CTIF: variants seen among roughly 807,000 people sequenced by gnomAD.
CTIF encodes cap binding complex dependent translation initiation factor, also known as CBP80/20-dependent translation initiation factor.
A neutral mutation model predicts 66.0 loss-of-function variants in CTIF; 21 were observed. The ratio of observed to expected loss-of-function variants is 0.32; its 90% CI spans 0.23 to 0.46. The LOEUF (loss-of-function observed/expected upper bound fraction) is 0.46. Ranked by LOEUF, CTIF falls within the 20% of genes least tolerant of loss-of-function variation. CTIF has a pLI of 1.00. For missense variants in CTIF, 739 were observed against 812.7 expected (o/e 0.91, Z 1.10); for synonymous variants, 345 against 326.4 (o/e 1.06, Z -0.62).
chr18:48,804,654 G>A (rs867883087), intron 9 of CTIF, among the ~76,000 whole-genome samples: 3 of 152,200 alleles, frequency 2.0e-5, no homozygotes, highest in Admixed American at 6.5e-5. Context: ...ACTCATTTAA[G>A]CCAAGGAGGT....
intron 7 of CTIF, among the ~76,000 whole-genome samples, chr18:48,747,133 G>A (rs1467798939): frequency 1.3e-5 from 2 of 152,196 alleles, no homozygotes; most frequent in Non-Finnish European, 2.9e-5. Flanking sequence ...TGCAAAGGAA[G>A]ACTCCAAAGC....
rs557923249 is a variant in CTIF at position 48,604,458 on chromosome 18, G to A, written c.-28-15080G>A. 1.1e-4 allele frequency among the ~76,000 whole-genome samples: 16 copies of A among 152,182 alleles called. No individual in the cohort carries two copies. The East Asian group carries it at 1.9e-3, about 18-fold the overall frequency. On this transcript the variant is annotated intron_variant, in intron 1 of 11. Coordinates refer to ENST00000256413, the MANE Select transcript of CTIF (RefSeq NM_014772.3). Reference sequence around the variant, plus strand: ...CTCCCAAAGTGCTGGGATTACAGGCGTGAGCCCCTGCGCCCGGCGTTTTAA... The same window carrying A: ...CTCCCAAAGTGCTGGGATTACAGGCATGAGCCCCTGCGCCCGGCGTTTTAA...
At chr18:48,739,451 G>A (rs1051730112) in intron 7 of CTIF, among the ~76,000 whole-genome samples, 1 of 152,206 alleles carries the variant, frequency 6.6e-6, no homozygotes, top group Admixed American at 6.5e-5. Context: ...CACCTGGTGG[G>A]GTGTGGTGGG....
intron 11 of CTIF, among the ~76,000 whole-genome samples, chr18:48,858,150 T>C (rs1291172450): frequency 6.6e-6 from 1 of 152,242 alleles, no homozygotes; most frequent in Non-Finnish European, 1.5e-5. Flanking sequence ...CCTGGGCAGA[T>C]CTCTGCCCTC....
At chr18:48,568,814 T>C (rs2089344290) in intron 1 of CTIF, among the ~76,000 whole-genome samples, 1 of 152,002 alleles carries the variant, frequency 6.6e-6, no homozygotes, top group South Asian at 2.1e-4. Flanking sequence ...CCATCAGATC[T>C]CGTGAGACTT....
intron 7 of CTIF, among the ~76,000 whole-genome samples, chr18:48,730,708 CTTCCGCGGTGTGAGGGGCTTCCGT>C (rs2092447284): frequency 2.9e-5 from 1 of 34,470 alleles, no homozygotes; most frequent in Non-Finnish European, 4.9e-5. Flanking sequence ...GTGTGAGGGG[CTTCCGCGGTGTGAGGGGCTTCCGT>C]GGTGTGAGGA....
intron 10 of CTIF, among the ~76,000 whole-genome samples, chr18:48,846,992 T>G (rs1413440699): frequency 6.6e-6 from 1 of 152,100 alleles, no homozygotes; most frequent in East Asian, 1.9e-4. Flanking sequence ...CAGGTTGACC[T>G]GTCACCAGTC....
intron 9 of CTIF, among the ~76,000 whole-genome samples, chr18:48,786,841 A>G (rs1054964852): frequency 6.6e-6 from 1 of 151,180 alleles, no homozygotes; most frequent in African/African-American, 2.4e-5. Context: ...GGTCATTACC[A>G]CCCTTCCCCC....
chr18:48,684,380 A>G (rs1381197522), intron 6 of CTIF, among the ~76,000 whole-genome samples: 2 of 152,112 alleles, frequency 1.3e-5, no homozygotes, highest in Admixed American at 6.6e-5. Flanking sequence ...CAAAGCAACT[A>G]CATACCTTCA....
At chr18:48,826,244 G>A (rs1005191773) in intron 10 of CTIF, 7 of 152,190 alleles carry the variant, frequency 4.6e-5, no homozygotes, top group African/African-American at 1.2e-4. Context: ...GTGTGTTGCT[G>A]TTGAATACAA....
In CTIF at chr18:48,673,293, T is replaced by C. The variant is rs1445701987; in HGVS notation, c.507+2549T>C. Among the ~76,000 whole-genome samples the C allele has an allele frequency of 2.0e-5, 3 of 152,124 alleles. No homozygotes were observed. In the South Asian group the frequency reaches 6.2e-4, roughly 32 times the overall value. On this transcript the variant is annotated intron_variant, in intron 6 of 11. Coordinates refer to ENST00000256413, the MANE Select transcript of CTIF (RefSeq NM_014772.3). Reference sequence around the variant, plus strand: ...AGATGTGCTGTTGTGTTGTCTAGAGTGTACAAGAAAGGCAGGATTTGTGTC... The same window carrying C: ...AGATGTGCTGTTGTGTTGTCTAGAGCGTACAAGAAAGGCAGGATTTGTGTC...
intron 1 of CTIF, among the ~76,000 whole-genome samples, chr18:48,585,276 G>A (rs1411090637): frequency 1.3e-5 from 2 of 152,246 alleles, no homozygotes; most frequent in African/African-American, 4.8e-5. Flanking sequence ...TATAGGGATG[G>A]ATAGAGAGCA....
At chr18:48,541,890 A>G (rs1331443703) in intron 1 of CTIF, among the ~76,000 whole-genome samples, 2 of 150,082 alleles carry the variant, frequency 1.3e-5, no homozygotes. Flanking sequence ...CCTGTGAGGT[A>G]GGAGAGTATT....
At chr18:48,608,299 A>C (rs957367046) in intron 1 of CTIF, among the ~76,000 whole-genome samples, 1 of 152,188 alleles carries the variant, frequency 6.6e-6, no homozygotes, top group Non-Finnish European at 1.5e-5. Context: ...TTTTCAAGAA[A>C]AGTCAGAAAT....
Position 48,762,755 on chromosome 18 carries a change from C to T in CTIF, c.1371+1066C>T, listed in dbSNP as rs550889191. On this transcript the variant is annotated intron_variant, in intron 9 of 11. Coordinates refer to ENST00000256413, the MANE Select transcript of CTIF (RefSeq NM_014772.3). ...TCAGTTCATAATTATGCCTAGACAA[C>T]AGGTGTAAACAAGGGCATATGGCCA... Among the ~76,000 whole-genome samples the T allele has an allele frequency of 2.0e-5, 3 of 152,356 alleles. No individual in the cohort carries two copies. The East Asian group carries it at 5.8e-4, about 29-fold the overall frequency.
intron 7 of CTIF, among the ~76,000 whole-genome samples, chr18:48,740,446 C>T (rs1254923939): frequency 6.6e-6 from 1 of 152,222 alleles, no homozygotes; most frequent in Non-Finnish European, 1.5e-5. Context: ...TCGGCTGGGC[C>T]TCCGTACTCT....
rs1040328091 is a variant in CTIF at position 48,539,031 on chromosome 18, A to C, written c.-310A>C. ...GAGGGGAGGGCGGGGCCTGAACGTCACTCTCCTACATTCTCTTTCCCTGTG... is the reference window on the plus strand; with the variant it reads ...GAGGGGAGGGCGGGGCCTGAACGTCCCTCTCCTACATTCTCTTTCCCTGTG... On this transcript the variant is annotated 5_prime_UTR_variant, in exon 1 of 12. Coordinates refer to ENST00000256413, the MANE Select transcript of CTIF (RefSeq NM_014772.3). 2 of 151,636 alleles carry C rather than the reference A, an allele frequency of 1.3e-5. No homozygotes were observed. Among genetic ancestry groups the C allele is most frequent in the Non-Finnish European group, 1.5e-5 (1 of 67,972 alleles). The allele number at this position is 151,636 out of a possible 1,614,324, so 9.4% of individuals were successfully genotyped here.
At chr18:48,710,454 C>T (rs1343866972) in intron 6 of CTIF, among the ~76,000 whole-genome samples, 2 of 152,218 alleles carry the variant, frequency 1.3e-5, no homozygotes, top group Non-Finnish European at 2.9e-5. Flanking sequence ...GACTCCAAGC[C>T]TTGGTACCCC....
intron 9 of CTIF, among the ~76,000 whole-genome samples, chr18:48,798,435 T>A (rs1239970075): frequency 6.6e-6 from 1 of 152,196 alleles, no homozygotes; most frequent in African/African-American, 2.4e-5. Flanking sequence ...TGCTTCCCTA[T>A]CTGTTCTCTA....
Sources: allele counts gnomAD v4.1 joint callset (sites outside exome capture counted in the v4.1 genomes callset), GRCh38; gene constraint gnomAD v4.1.1; transcripts MANE v1.5; gene names NCBI Gene and HGNC (gene_info 2026-07-23, HGNC 2026-07-21).